The following ECHDC1 variants were observed in gnomAD, a reference collection of about 807,000 sequenced individuals.
ECHDC1 encodes ethylmalonyl-CoA decarboxylase 1, also known as ethylmalonyl-CoA decarboxylase.
Under a neutral mutation model 29.7 loss-of-function variants are expected in ECHDC1, and 29 were observed. The ratio of observed to expected loss-of-function variants is 0.98; its 90% CI spans 0.73 to 1.33. The LOEUF (loss-of-function observed/expected upper bound fraction) is 1.33, where lower values mean the gene tolerates loss of function less well. ECHDC1 is among the 40% of genes most tolerant of loss of function. ECHDC1 has a pLI of 0.00. For missense variants in ECHDC1, 328 were observed against 350.0 expected (o/e 0.94, Z 0.50); for synonymous variants, 126 against 123.1 (o/e 1.02, Z -0.15).
chr6:127,343,041 G>A (rs937679341), intron 1 of ECHDC1: 6 of 152,230 alleles, frequency 3.9e-5, no homozygotes, highest in East Asian at 1.9e-4. Context: ...TTTTTAAAGT[G>A]TAATCTCGCG....
chr6:127,317,498 G>A (rs1782485186), intron 3 of ECHDC1, among the ~76,000 whole-genome samples: 1 of 152,038 alleles, frequency 6.6e-6, no homozygotes, highest in Non-Finnish European at 1.5e-5. Context: ...ATGAAATTGA[G>A]CAAGTCATGA....
rs1028936074 is a variant in ECHDC1 at position 127,305,756 on chromosome 6, G to A, written c.497+9060C>T. Among the ~76,000 whole-genome samples, 10 of 152,110 alleles carry A rather than the reference G, an allele frequency of 6.6e-5. No individual in the cohort carries two copies. In the East Asian group the frequency reaches 1.5e-3, roughly 23 times the overall value. Reference sequence around the variant, plus strand: ...GCTTAAAATAATGGGTGATAAGATAGTATTTGCAAGCCTAATAAGATGCAG... The same window carrying A: ...GCTTAAAATAATGGGTGATAAGATAATATTTGCAAGCCTAATAAGATGCAG... On this transcript the variant is annotated intron_variant, in intron 5 of 5. Transcript: ENST00000454859.
At chr6:127,319,215 A>T (rs1782641241) in intron 3 of ECHDC1, among the ~76,000 whole-genome samples, 2 of 152,346 alleles carry the variant, frequency 1.3e-5, no homozygotes, top group South Asian at 4.1e-4. Context: ...CAATCTGCCT[A>T]CATTTGAATC....
rs1176521891 is a variant in ECHDC1 at position 127,338,647 on chromosome 6, T to A, written c.-3+4689A>T. ...TCAAATGTATATACTCACATACATA[T>A]ATATAAAACCAGAATTATCCTACAT... On this transcript the variant is annotated intron_variant, in intron 1 of 5. Coordinates refer to ENST00000454859, the MANE Select transcript of ECHDC1 (RefSeq NM_001002030.2). Among the ~76,000 whole-genome samples, 3 of 152,182 alleles carry A rather than the reference T, an allele frequency of 2.0e-5. No homozygotes were observed. The East Asian group carries it at 5.8e-4, about 29-fold the overall frequency.
chr6:127,293,150 C>G (rs988547619), intron 5 of ECHDC1, among the ~76,000 whole-genome samples: 2 of 152,082 alleles, frequency 1.3e-5, no homozygotes, highest in Non-Finnish European at 2.9e-5. Context: ...AAGGACTGTT[C>G]AGTGAGTTAC....
chr6:127,299,247 T>C (rs186151552), intron 5 of ECHDC1, among the ~76,000 whole-genome samples: 10 of 152,198 alleles, frequency 6.6e-5, no homozygotes, highest in Admixed American at 3.3e-4. Context: ...AGGCAGGTCC[T>C]TCAGGAGGAA....
chr6:127,327,895 T>G (rs1582995792), intron 2 of ECHDC1, among the ~76,000 whole-genome samples: 1 of 152,364 alleles, frequency 6.6e-6, no homozygotes, highest in East Asian at 1.9e-4. Context: ...TATGCTTATC[T>G]TTGGTGATCT....
intron 1 of ECHDC1, chr6:127,342,483 G>T: frequency 8.6e-7 from 1 of 1,160,108 alleles, no homozygotes; most frequent in Non-Finnish European, 1.2e-6. Flanking sequence ...AGAAAGGATC[G>T]CCCGTTCTAT....
intron 3 of ECHDC1, among the ~76,000 whole-genome samples, chr6:127,326,025 A>G (rs1046956283): frequency 2.0e-5 from 3 of 152,162 alleles, no homozygotes; most frequent in African/African-American, 7.2e-5. Context: ...TTTAGATTCC[A>G]TATATAAATG....
intron 5 of ECHDC1, among the ~76,000 whole-genome samples, chr6:127,308,456 G>A (rs753690724): frequency 1.6e-4 from 24 of 152,006 alleles, no homozygotes; most frequent in Admixed American, 5.9e-4. Flanking sequence ...ATCCCTTCAT[G>A]ATAAAAAACT....
At chr6:127,316,385 A>AT in intron 4 of ECHDC1, 65 bp downstream of exon 4, 1 of 1,332,896 alleles carries the variant, frequency 7.5e-7, no homozygotes, top group Non-Finnish European at 1.1e-6. Context: ...AGTACAAATA[A>AT]TGGAATAGCA....
At chr6:127,297,955 G>T (rs1780749365) in intron 5 of ECHDC1, among the ~76,000 whole-genome samples, 1 of 152,102 alleles carries the variant, frequency 6.6e-6, no homozygotes. Context: ...TGTGAGACAA[G>T]GAGCTCGGAT....
At chr6:127,329,072 C>G (rs1783659513) in intron 2 of ECHDC1, among the ~76,000 whole-genome samples, 1 of 151,630 alleles carries the variant, frequency 6.6e-6, no homozygotes, top group South Asian at 2.1e-4. Flanking sequence ...ATAAAAAAAA[C>G]AATGTTGGCC....
intron 5 of ECHDC1, among the ~76,000 whole-genome samples, chr6:127,303,064 T>G (rs1283682566): frequency 6.6e-6 from 1 of 152,086 alleles, no homozygotes; most frequent in Non-Finnish European, 1.5e-5. Context: ...CTAGAAAATC[T>G]CTATTTGTGT....
At chr6:127,317,944 G>C (rs1021337227) in intron 3 of ECHDC1, 30 of 152,298 alleles carry the variant, frequency 2.0e-4, no homozygotes, top group African/African-American at 7.2e-4. Flanking sequence ...CGGCAAGATT[G>C]GGTGCATTCA....
At chr6:127,312,422 TACC>T (rs1279115571) in intron 5 of ECHDC1, among the ~76,000 whole-genome samples, 1 of 152,202 alleles carries the variant, frequency 6.6e-6, no homozygotes, top group African/African-American at 2.4e-5. Context: ...AGCTTGACAG[TACC>T]ACATGTTGGT....
intron 2 of ECHDC1, chr6:127,330,032 T>A: frequency 6.7e-6 from 2 of 296,886 alleles, no homozygotes; most frequent in South Asian, 2.9e-5. Flanking sequence ...AGCCTCAAAT[T>A]TCAAATGCTA....
chr6:127,302,755 G>A (rs1466755167), intron 5 of ECHDC1, among the ~76,000 whole-genome samples: 1 of 152,016 alleles, frequency 6.6e-6, no homozygotes, highest in Non-Finnish European at 1.5e-5. Context: ...TATATGTATT[G>A]AAATTATATA....
intron 3 of ECHDC1, among the ~76,000 whole-genome samples, chr6:127,324,898 C>T (rs1783178811): frequency 6.6e-6 from 1 of 152,012 alleles, no homozygotes; most frequent in Admixed American, 6.5e-5. Context: ...ACCCAAATCC[C>T]CCTTACATAA....
Sources: gnomAD v4.1 joint callset for allele counts (sites outside exome capture counted in the v4.1 genomes callset) on GRCh38, gnomAD v4.1.1 for gene constraint, MANE v1.5 for transcripts, NCBI Gene and HGNC (gene_info 2026-07-23, HGNC 2026-07-21) for gene names.